The following PMS1 variants were observed in gnomAD, a reference collection of about 807,000 sequenced individuals.
The protein encoded by PMS1 is PMS1 homolog 1, mismatch repair system component.
In PMS1, 79 loss-of-function variants were observed where a neutral mutation model predicts 93.1. The observed-to-expected ratio is 0.85, with a 90% CI of 0.71 to 1.02. The LOEUF is 1.02. PMS1 is among the 50% of genes least tolerant of loss of function. PMS1 has a pLI of 0.00. For missense variants in PMS1, 1,064 were observed against 1,085.3 expected (o/e 0.98, Z 0.28); for synonymous variants, 335 against 363.4 (o/e 0.92, Z 0.89).
At chr2:189,840,691 A>G (rs989071615) in intron 5 of PMS1, among the ~76,000 whole-genome samples, 1 of 152,200 alleles carries the variant, frequency 6.6e-6, no homozygotes, top group African/African-American at 2.4e-5. Context: ...AGAATTTATA[A>G]ATCCTTAGGT....
chr2:189,868,435 A>G (rs2056858772), intron 11 of PMS1, among the ~76,000 whole-genome samples: 1 of 152,324 alleles, frequency 6.6e-6, no homozygotes, highest in South Asian at 2.1e-4. Flanking sequence ...ATGGAAATTC[A>G]TTGGGTGGAT....
At chr2:189,787,828 T>C (rs2048498677) in intron 1 of PMS1, among the ~76,000 whole-genome samples, 1 of 152,190 alleles carries the variant, frequency 6.6e-6, no homozygotes, top group Non-Finnish European at 1.5e-5. Context: ...ACAATACAGA[T>C]ATCATATGCT....
chr2:189,846,743 C>A (rs187448168), intron 6 of PMS1, among the ~76,000 whole-genome samples: 1 of 152,030 alleles, frequency 6.6e-6, no homozygotes, highest in African/African-American at 2.4e-5. Context: ...CTTGCACTTT[C>A]GCTTGTTGAT....
Position 189,805,665 on chromosome 2 carries a change from C to T in PMS1, c.329C>T (p.Thr110Ile), listed in dbSNP as rs372752293. 1.2e-6 allele frequency: 2 copies of T among 1,613,556 alleles called. No individual in the cohort carries two copies. The highest frequency in any genetic ancestry group is 8.5e-7 in the Non-Finnish European group (1 of 1,179,658). Residue 110 changes from threonine (T) to isoleucine (I), a missense_variant, in exon 4 of 13, where the codon ACA becomes ATA. Physicochemically the swap from Thr to Ile is moderately conservative, Grantham distance 89 (BLOSUM62 -1). Transcript: ENST00000441310. ...TTTTTCCCCCAGGTTTTAATTACAA[C>T]AAGAACGGCTGCTGATAATTTTAGC... ...ICCIAEVLIT[T>I]RTAADNFSTQ...
intron 3 of PMS1, 81 bp from the exon 4 acceptor site, chr2:189,805,571 C>A: frequency 1.8e-6 from 2 of 1,085,506 alleles, no homozygotes; most frequent in Non-Finnish European, 2.8e-6. Context: ...ATATATTATG[C>A]AATAATCATT....
At chr2:189,858,136 A>C (rs2055546169) in intron 9 of PMS1, among the ~76,000 whole-genome samples, 1 of 152,082 alleles carries the variant, frequency 6.6e-6, no homozygotes. Flanking sequence ...TTTTGGAGTC[A>C]GGGAGTTACT....
chr2:189,873,907 C>T (rs139064439), intron 12 of PMS1, among the ~76,000 whole-genome samples: 141 of 152,290 alleles, frequency 9.3e-4, no homozygotes, highest in African/African-American at 3.2e-3. Context: ...CCATCCCCAC[C>T]CGCCAACTGG....
intron 5 of PMS1, among the ~76,000 whole-genome samples, chr2:189,843,391 A>G (rs1313217721): frequency 6.6e-6 from 1 of 152,238 alleles, no homozygotes; most frequent in Non-Finnish European, 1.5e-5. Context: ...TTATGTTTAC[A>G]GATTCAGTTA....
intron 5 of PMS1, among the ~76,000 whole-genome samples, chr2:189,828,216 G>A (rs1412501778): frequency 3.3e-5 from 5 of 152,100 alleles, no homozygotes; most frequent in Admixed American, 6.5e-5. Flanking sequence ...GAGCCACTGC[G>A]CCCGGCCCAG....
intron 2 of PMS1, among the ~76,000 whole-genome samples, chr2:189,792,711 A>ATATG (rs1244882803): frequency 6.9e-6 from 1 of 144,620 alleles, no homozygotes; most frequent in Non-Finnish European, 1.5e-5. Flanking sequence ...ATATATATAT[A>ATATG]TATATATATG....
intron 4 of PMS1, chr2:189,806,047 C>G: frequency 1.3e-6 from 1 of 761,236 alleles, no homozygotes; most frequent in Middle Eastern, 4.1e-4. Context: ...CCAGTGTCAT[C>G]TTCATATATG....
At chr2:189,857,175 G>A (rs1362900677) in intron 9 of PMS1, among the ~76,000 whole-genome samples, 3 of 152,104 alleles carry the variant, frequency 2.0e-5, no homozygotes, top group Non-Finnish European at 4.4e-5. Context: ...AATATGATCA[G>A]TTTTTAATCT....
intron 1 of PMS1, among the ~76,000 whole-genome samples, chr2:189,786,324 G>C (rs1317044375): frequency 2.0e-5 from 3 of 152,094 alleles, no homozygotes; most frequent in African/African-American, 7.2e-5. Flanking sequence ...GAACCCTATA[G>C]GTGGTTGAGA....
chr2:189,798,757 A>ATTTTTTTTTTTTTT (rs757864750), intron 3 of PMS1, among the ~76,000 whole-genome samples: 4 of 79,938 alleles, frequency 5.0e-5, no homozygotes, highest in South Asian at 3.4e-4. Flanking sequence ...TAAGTATTTG[A>ATTTTTTTTTTTTTT]TTTTTTTTTT....
intron 1 of PMS1, among the ~76,000 whole-genome samples, chr2:189,789,228 A>G (rs2048631769): frequency 6.6e-6 from 1 of 152,158 alleles, no homozygotes; most frequent in Admixed American, 6.6e-5. Flanking sequence ...GTAGAACAAC[A>G]CTTTATATAT....
intron 9 of PMS1, among the ~76,000 whole-genome samples, chr2:189,860,519 A>G (rs561867329): frequency 4.9e-4 from 75 of 152,240 alleles, no homozygotes; most frequent in African/African-American, 1.6e-3. Flanking sequence ...TGGGGCTATT[A>G]TGAGTAAAAT....
At chr2:189,858,347 A>G (rs1190546007) in intron 9 of PMS1, among the ~76,000 whole-genome samples, 2 of 152,146 alleles carry the variant, frequency 1.3e-5, no homozygotes, top group East Asian at 1.9e-4. Context: ...AAAAATTGCA[A>G]CTAGGGTATT....
Position 189,809,581 on chromosome 2 carries a change from C to T in PMS1, c.418+3827C>T, listed in dbSNP as rs5743027. On this transcript the variant is annotated intron_variant, in intron 4 of 12. Coordinates refer to ENST00000441310, the MANE Select transcript of PMS1 (RefSeq NM_000534.5). Reference sequence around the variant, plus strand: ...TCTCAATTGGCTGGGCACAGTGGCTCACGCCTGTAATCCCAGCACTTTAGG... The same window carrying T: ...TCTCAATTGGCTGGGCACAGTGGCTTACGCCTGTAATCCCAGCACTTTAGG... Among the ~76,000 whole-genome samples the T allele has an allele frequency of 5.8e-3, 875 of 150,490 alleles. 24 individuals carry two copies. In the East Asian group the frequency reaches 0.081, roughly 14 times the overall value.
intron 5 of PMS1, among the ~76,000 whole-genome samples, chr2:189,819,534 C>G (rs554051756): frequency 6.6e-6 from 1 of 152,288 alleles, no homozygotes; most frequent in East Asian, 1.9e-4. Flanking sequence ...TGCATCCTCA[C>G]CAACATCTGT....
Sources: allele counts gnomAD v4.1 joint callset (sites outside exome capture counted in the v4.1 genomes callset), GRCh38; gene constraint gnomAD v4.1.1; transcripts MANE v1.5; gene names NCBI Gene and HGNC (gene_info 2026-07-23, HGNC 2026-07-21).